KIAA1958: variants seen among roughly 807,000 people sequenced by gnomAD.
KIAA1958 encodes KIAA1958, also known as uncharacterized protein KIAA1958.
Under a neutral mutation model 47.2 loss-of-function variants are expected in KIAA1958, and 14 were observed. That is an observed-to-expected ratio of 0.30 (90% CI 0.20 to 0.46). The LOEUF is 0.46. Among genes scored for constraint, KIAA1958 ranks in the 20% least tolerant of loss-of-function variants. The pLI is 1.00. For synonymous variants in KIAA1958, 354 were observed against 353.3 expected, an observed-to-expected ratio of 1.00 and a Z score of -0.02; for missense variants, 803 against 909.2, an observed-to-expected ratio of 0.88 and a Z score of 1.50.
At chr9:112,658,203 C>T (rs536144194) in intron 3 of KIAA1958, among the ~76,000 whole-genome samples, 1 of 152,318 alleles carries the variant, frequency 6.6e-6, no homozygotes, top group East Asian at 1.9e-4. Flanking sequence ...ACCTGTGGCT[C>T]ATTAAACCAC....
chr9:112,539,530 A>G (rs560992555), intron 1 of KIAA1958, among the ~76,000 whole-genome samples: 1 of 152,068 alleles, frequency 6.6e-6, no homozygotes, highest in East Asian at 1.9e-4. Flanking sequence ...TGGGGTTGGG[A>G]GGGGGTAATT....
rs150011421 is a variant in KIAA1958, at chr9:112,547,925, C to T, written c.-24-26132C>T. Among the ~76,000 whole-genome samples the T allele has an allele frequency of 4.5e-3, 678 of 151,692 alleles. 2 individuals carry two copies. The highest frequency in any genetic ancestry group is 8.1e-3 in the Admixed American group (123 of 15,234). On this transcript the variant is annotated intron_variant, in intron 1 of 3. Coordinates refer to ENST00000337530, the MANE Select transcript of KIAA1958 (RefSeq NM_133465.4). ...AGGACCTCTTATCTTAACCCAGATA[C>T]TTTTTTCTTTCTGTTGATTCCAGGT... is the stretch of plus-strand genomic sequence containing the variant.
chr9:112,659,987 A>G lies in KIAA1958; in HGVS notation c.2069A>G (p.Lys690Arg), dbSNP rs1837246299. The G allele has an allele frequency of 5.0e-6, 8 of 1,614,242 alleles. No homozygotes were observed. Among genetic ancestry groups the G allele is most frequent in the Non-Finnish European group, 6.8e-6 (8 of 1,180,040 alleles). Reference protein sequence around the residue: ...GIVPNLAKKVKLENCENFTFV... With the variant: ...GIVPNLAKKVRLENCENFTFV... Reference sequence around the variant, plus strand: ...GTCCCAAACTTAGCCAAGAAGGTCAAGCTGGAAAACTGTGAGAACTTCACC... The same window carrying G: ...GTCCCAAACTTAGCCAAGAAGGTCAGGCTGGAAAACTGTGAGAACTTCACC... The change falls in exon 4 of 4, where the codon AAG becomes AGG. Residue 690 changes from lysine to arginine, a missense_variant. Physicochemically the swap from Lys to Arg is conservative, Grantham distance 26 (BLOSUM62 2). This residue lies in a region of KIAA1958 where 761 missense variants were observed against 829.3 expected (regional missense o/e 0.92). Transcript: ENST00000337530.
intron 1 of KIAA1958, among the ~76,000 whole-genome samples, chr9:112,561,247 G>T (rs1484717432): frequency 6.6e-6 from 1 of 151,754 alleles, no homozygotes; most frequent in Non-Finnish European, 1.5e-5. Flanking sequence ...GTAGAGACGG[G>T]GTTTCACCGT....
intron 1 of KIAA1958, among the ~76,000 whole-genome samples, chr9:112,550,766 T>TGTCA (rs1377151995): frequency 6.6e-6 from 1 of 152,128 alleles, no homozygotes; most frequent in Non-Finnish European, 1.5e-5. Flanking sequence ...GGTTTTTATT[T>TGTCA]GTCAGTCATG....
intron 1 of KIAA1958, among the ~76,000 whole-genome samples, chr9:112,489,892 G>A (rs944948682): frequency 5.3e-5 from 8 of 152,174 alleles, no homozygotes; most frequent in African/African-American, 1.9e-4. Flanking sequence ...TATGTTAACT[G>A]GAATGCTCAA....
At chr9:112,550,327 T>C (rs1835120267) in intron 1 of KIAA1958, among the ~76,000 whole-genome samples, 1 of 152,226 alleles carries the variant, frequency 6.6e-6, no homozygotes, top group Non-Finnish European at 1.5e-5. Flanking sequence ...TGAGGATCAC[T>C]GATGAATCTA....
chr9:112,660,617 T>TAATGATA lies in KIAA1958; in HGVS notation c.*548_*549insAATGATA. 6.4e-6 allele frequency: 1 copy of TAATGATA among 156,444 alleles called. No homozygotes were observed. Among genetic ancestry groups the TAATGATA allele is most frequent in the Non-Finnish European group, 1.4e-5 (1 of 70,562 alleles). 9.7% of individuals were successfully genotyped at this position (156,444 alleles called of 1,614,324 possible). On this transcript the variant is annotated 3_prime_UTR_variant, in exon 4 of 4. Transcript: ENST00000337530. ...GTTCTGGAGGGCAGGCAGCCTTGTGTCGGGGAGTATCCTCAAGCGACACTT... is the reference window on the plus strand; with the variant it reads ...GTTCTGGAGGGCAGGCAGCCTTGTGTAATGATACGGGGAGTATCCTCAAGCGACACTT...
intron 1 of KIAA1958, among the ~76,000 whole-genome samples, chr9:112,489,522 T>C (rs149686613): frequency 6.6e-6 from 1 of 151,828 alleles, no homozygotes; most frequent in Non-Finnish European, 1.5e-5. Flanking sequence ...TTGTTTTTTG[T>C]GTAATTAGCA....
At chr9:112,600,289 C>T (rs1168069954) in intron 2 of KIAA1958, among the ~76,000 whole-genome samples, 1 of 152,142 alleles carries the variant, frequency 6.6e-6, no homozygotes, top group South Asian at 2.1e-4. Flanking sequence ...CCTAATGTTG[C>T]ATCTCCTCCA....
chr9:112,541,351 GA>G (rs35339642), intron 1 of KIAA1958, among the ~76,000 whole-genome samples: 76 of 150,194 alleles, frequency 5.1e-4, no homozygotes, highest in African/African-American at 1.6e-3. Flanking sequence ...AAAATTAAAT[GA>G]AAAAAAAAAA....
rs1298109260 is a variant in KIAA1958, at chr9:112,486,846, C to CCGGA, written c.-297_-296insCGGA. On this transcript the variant is annotated 5_prime_UTR_variant, in exon 1 of 4. Transcript: ENST00000337530. ...CCCCGCCCCCTGCCCGCCCGCCGCG[C>CCGGA]TCCGAGCCGGGCGCGCGGAGCTCGG... is the stretch of plus-strand genomic sequence containing the variant. 7.0e-6 allele frequency: 1 copy of CCGGA among 142,174 alleles called. No individual in the cohort carries two copies. 8.8% of individuals were successfully genotyped at this position (142,174 alleles called of 1,614,324 possible). A position where few individuals can be genotyped will look rare whatever the true frequency, so the allele number is the denominator to read the frequency against.
chr9:112,538,187 T>TAA (rs1356392470), intron 1 of KIAA1958, among the ~76,000 whole-genome samples: 1 of 151,608 alleles, frequency 6.6e-6, no homozygotes, highest in Non-Finnish European at 1.5e-5. Context: ...AAAATAAAAA[T>TAA]AAATAAAAAT....
chr9:112,607,321 A>G (rs1836251981), intron 2 of KIAA1958, among the ~76,000 whole-genome samples: 1 of 152,026 alleles, frequency 6.6e-6, no homozygotes, highest in African/African-American at 2.4e-5. Flanking sequence ...CGACACAGCA[A>G]AACTCTGTCT....
At chr9:112,557,065 C>T (rs1835254675) in intron 1 of KIAA1958, among the ~76,000 whole-genome samples, 1 of 152,034 alleles carries the variant, frequency 6.6e-6, no homozygotes, top group Admixed American at 6.6e-5. Context: ...CTCAAGTGAT[C>T]CTCCCACCTC....
intron 2 of KIAA1958, among the ~76,000 whole-genome samples, chr9:112,594,344 T>A (rs1262904922): frequency 6.6e-6 from 1 of 152,158 alleles, no homozygotes; most frequent in East Asian, 1.9e-4. Context: ...TGGTTTCAAG[T>A]ATATTGTTGT....
chr9:112,489,418 G>A (rs1183480543), intron 1 of KIAA1958, among the ~76,000 whole-genome samples: 1 of 151,396 alleles, frequency 6.6e-6, no homozygotes. Flanking sequence ...GATCATCAAT[G>A]TAGTCTTTAT....
At chr9:112,509,829 A>G (rs1394290240) in intron 1 of KIAA1958, among the ~76,000 whole-genome samples, 1 of 152,162 alleles carries the variant, frequency 6.6e-6, no homozygotes, top group Non-Finnish European at 1.5e-5. Flanking sequence ...GGCAACTAAG[A>G]AGAATAGGAA....
At chr9:112,605,998 G>A (rs1158660191) in intron 2 of KIAA1958, among the ~76,000 whole-genome samples, 3 of 152,204 alleles carry the variant, frequency 2.0e-5, no homozygotes, top group Non-Finnish European at 4.4e-5. Context: ...ACAAATGCAA[G>A]ACTGTTTCCC....
Sources: allele counts gnomAD v4.1 joint callset (sites outside exome capture counted in the v4.1 genomes callset), GRCh38; gene constraint gnomAD v4.1.1; regional missense constraint gnomAD v4.1.1; transcripts MANE v1.5; gene names NCBI Gene and HGNC (gene_info 2026-07-23, HGNC 2026-07-21).